Variants in RBFOX1 observed in about 807,000 individuals in gnomAD.
RBFOX1 encodes the protein RNA binding protein fox-1 homolog 1.
Under a neutral mutation model 57.7 loss-of-function variants are expected in RBFOX1, and 8 were observed. That is an observed-to-expected ratio of 0.14 (90% CI 0.08 to 0.25). RBFOX1 has a LOEUF of 0.25. Among genes scored for constraint, RBFOX1 ranks in the 10% least tolerant of loss-of-function variants. The pLI is 1.00. For missense variants in RBFOX1, 611 were observed against 548.5 expected (o/e 1.11, Z -1.14); for synonymous variants, 326 against 222.4 (o/e 1.47, Z -4.15).
chr16:5,368,223 G>A (rs554176627), intron 1 of RBFOX1, among the ~76,000 whole-genome samples: 90 of 152,326 alleles, frequency 5.9e-4, no homozygotes, highest in African/African-American at 2.1e-3. Context: ...TGAATCATTG[G>A]AGAAGCGTGA....
intron 3 of RBFOX1, among the ~76,000 whole-genome samples, chr16:6,673,867 A>G (rs2098783809): frequency 6.6e-6 from 1 of 152,224 alleles, no homozygotes; most frequent in South Asian, 2.1e-4. Context: ...ACAGATATTA[A>G]GAGAAGAAGC....
intron 3 of RBFOX1, among the ~76,000 whole-genome samples, chr16:6,785,743 A>G (rs1284614911): frequency 1.3e-5 from 2 of 152,202 alleles, no homozygotes; most frequent in African/African-American, 2.4e-5. Flanking sequence ...TACCAATTCC[A>G]CTATTGTTAT....
chr16:7,098,326 T>C (rs142482313), intron 4 of RBFOX1, among the ~76,000 whole-genome samples: 1 of 152,250 alleles, frequency 6.6e-6, no homozygotes, highest in African/African-American at 2.4e-5. Context: ...TGCATCGCCA[T>C]GCCTGGCTAA....
At chr16:6,974,438 A>G (rs550250443) in intron 3 of RBFOX1, among the ~76,000 whole-genome samples, 2 of 135,534 alleles carry the variant, frequency 1.5e-5, no homozygotes, top group East Asian at 2.3e-4. Flanking sequence ...TTCGCCTCCC[A>G]GGTTCAAGGA....
intron 4 of RBFOX1, among the ~76,000 whole-genome samples, chr16:7,063,442 A>G (rs1341660669): frequency 6.6e-6 from 1 of 152,102 alleles, no homozygotes; most frequent in East Asian, 1.9e-4. Flanking sequence ...GTACCCTTCA[A>G]AGGCCACTGA....
chr16:7,252,727 A>T (rs537897139), intron 4 of RBFOX1, among the ~76,000 whole-genome samples: 1 of 151,234 alleles, frequency 6.6e-6, no homozygotes, highest in African/African-American at 2.4e-5. Flanking sequence ...GAGTCACCCA[A>T]CGCTAAAGGT....
At chr16:5,313,113 A>G (rs953391266) in intron 1 of RBFOX1, among the ~76,000 whole-genome samples, 2 of 152,268 alleles carry the variant, frequency 1.3e-5, no homozygotes, top group Non-Finnish European at 2.9e-5. Flanking sequence ...GCCACCCTGC[A>G]AGGTGGATAC....
At chr16:7,192,869 T>C (rs1036630701) in intron 4 of RBFOX1, among the ~76,000 whole-genome samples, 5 of 152,202 alleles carry the variant, frequency 3.3e-5, no homozygotes, top group Non-Finnish European at 7.3e-5. Context: ...CCGAGGATCA[T>C]GTGCTTACAA....
At chr16:7,387,969 C>T (rs1319678541) in intron 4 of RBFOX1, among the ~76,000 whole-genome samples, 2 of 151,912 alleles carry the variant, frequency 1.3e-5, no homozygotes, top group Non-Finnish European at 2.9e-5. Context: ...CTTAATGGCT[C>T]TCTTGTTCAG....
chr16:6,975,375 C>G (rs1226267762), intron 3 of RBFOX1, among the ~76,000 whole-genome samples: 3 of 152,150 alleles, frequency 2.0e-5, no homozygotes, highest in Non-Finnish European at 4.4e-5. Flanking sequence ...AAGCGATTCT[C>G]CTGCCTCAGC....
chr16:6,741,063 C>G (rs1161697755), intron 3 of RBFOX1, among the ~76,000 whole-genome samples: 1 of 152,004 alleles, frequency 6.6e-6, no homozygotes, highest in Non-Finnish European at 1.5e-5. Flanking sequence ...TGAAATAGCC[C>G]CAGACAACAT....
chr16:7,206,853 GA>G (rs111373359), intron 4 of RBFOX1, among the ~76,000 whole-genome samples: 1,707 of 148,490 alleles, frequency 0.011, 26 homozygotes, highest in African/African-American at 0.038. Flanking sequence ...CTTCTTATCA[GA>G]AAAAAAAAAT....
chr16:7,684,980 G>A (rs951837708), intron 14 of RBFOX1, among the ~76,000 whole-genome samples: 1 of 152,070 alleles, frequency 6.6e-6, no homozygotes, highest in African/African-American at 2.4e-5. Flanking sequence ...GAAATTTCAA[G>A]ATTTGAGTGG....
At chr16:5,273,787 G>A (rs2063074999) in intron 1 of RBFOX1, among the ~76,000 whole-genome samples, 2 of 152,186 alleles carry the variant, frequency 1.3e-5, no homozygotes, top group African/African-American at 2.4e-5. Flanking sequence ...TGGATCATGA[G>A]CAGCTGGAAG....
At chr16:7,430,279 G>A (rs529733638) in intron 4 of RBFOX1, among the ~76,000 whole-genome samples, 3 of 152,224 alleles carry the variant, frequency 2.0e-5, no homozygotes, top group Admixed American at 1.3e-4. Context: ...TTTTGTTGTG[G>A]TGGTGGTTTA....
intron 4 of RBFOX1, among the ~76,000 whole-genome samples, chr16:7,205,890 G>T (rs1439016490): frequency 1.3e-5 from 2 of 152,240 alleles, no homozygotes; most frequent in Non-Finnish European, 2.9e-5. Context: ...AAGCAAGGCA[G>T]CTATTAGTGG....
At chr16:6,071,470 C>T (rs933726) in intron 1 of RBFOX1, among the ~76,000 whole-genome samples, 24 of 151,946 alleles carry the variant, frequency 1.6e-4, no homozygotes, top group African/African-American at 5.8e-4. Context: ...ACAACAAACC[C>T]CAATAACATG....
chr16:7,279,184 G>A (rs2095496801), intron 4 of RBFOX1, among the ~76,000 whole-genome samples: 1 of 150,326 alleles, frequency 6.7e-6, no homozygotes, highest in African/African-American at 2.5e-5. Context: ...CATGCTGAGT[G>A]CCTACCCTCT....
At chr16:5,408,627 C>T (rs1054569508) in intron 1 of RBFOX1, among the ~76,000 whole-genome samples, 1 of 152,176 alleles carries the variant, frequency 6.6e-6, no homozygotes, top group Non-Finnish European at 1.5e-5. Flanking sequence ...TAAGAAGTAT[C>T]TGAGACTGGG....
Sources: gnomAD v4.1 joint callset for allele counts (sites outside exome capture counted in the v4.1 genomes callset) on GRCh38, gnomAD v4.1.1 for gene constraint, MANE v1.5 for transcripts, NCBI Gene and HGNC (gene_info 2026-07-23, HGNC 2026-07-21) for gene names.